Variants in SLC6A3 observed in about 807,000 individuals in gnomAD.
SLC6A3 encodes solute carrier family 6 member 3, also known as sodium-dependent dopamine transporter.
A neutral mutation model predicts 70.4 loss-of-function variants in SLC6A3; 19 were observed. That is an observed-to-expected ratio of 0.27 (90% CI 0.19 to 0.40). The LOEUF is 0.40. Ranked by LOEUF, SLC6A3 falls within the 10% of genes least tolerant of loss-of-function variation. The pLI, the probability that SLC6A3 is intolerant of heterozygous loss-of-function variation, is 1.00. For synonymous variants in SLC6A3, 368 were observed against 356.6 expected (o/e 1.03, Z -0.36); for missense variants, 613 against 838.5 (o/e 0.73, Z 3.32).
At position 1,432,695 on chromosome 5, in the gene SLC6A3, A is replaced by G. The variant is rs763451443; in HGVS notation, c.422T>C (p.Val141Ala). ...TGAGATGAGGATGACCGTGAAGCCC[A>G]CACCTAGCGGGAAGGGGGAGGCCAT... is the stretch of plus-strand genomic sequence containing the variant. ...VWKICPILKG[V>A]GFTVILISLY... is the part of the protein sequence containing the mutation. Residue 141 changes from valine (V) to alanine (A), a missense_variant, in exon 4 of 15, where the codon GTG (valine) becomes GCG (alanine). Coordinates refer to ENST00000270349, the MANE Select transcript of SLC6A3 (RefSeq NM_001044.5). The G allele has an allele frequency of 6.2e-7, 1 of 1,613,306 alleles. No homozygotes were observed. The highest frequency in any genetic ancestry group is 1.7e-5 in the Admixed American group (1 of 59,982).
intron 4 of SLC6A3, among the ~76,000 whole-genome samples, chr5:1,422,746 A>ACG (rs1223168847): frequency 1.5e-5 from 1 of 68,074 alleles, no homozygotes; most frequent in Admixed American, 1.6e-4. Flanking sequence ...ACCGCTGCCC[A>ACG]GTGCTGCCCA....
In SLC6A3 at chr5:1,432,396, C is replaced by A. The variant is rs886858871; in HGVS notation, c.653+68G>T. On this transcript the variant is annotated intron_variant, in intron 4 of 14. Transcript: ENST00000270349. ...GAGTCAGCAAGGGCTGGTGTCCAAC[C>A]AAGGGGCTACCATGGGGGACCTGGC... is the stretch of plus-strand genomic sequence containing the variant. 4.8e-6 allele frequency: 6 copies of A among 1,240,118 alleles called. No individual in the cohort carries two copies. In the African/African-American group the frequency reaches 8.9e-5, roughly 18 times the overall value. 76.8% of individuals were successfully genotyped at this position (1,240,118 alleles called of 1,614,324 possible).
intron 14 of SLC6A3, among the ~76,000 whole-genome samples, 172 bp downstream of exon 14, chr5:1,400,743 C>T (rs531760835): frequency 2.0e-5 from 3 of 152,196 alleles, no homozygotes; most frequent in Non-Finnish European, 2.9e-5. Context: ...CCCGGGCACA[C>T]GTCTCCACTG....
intron 4 of SLC6A3, among the ~76,000 whole-genome samples, chr5:1,430,992 C>T (rs1439537884): frequency 1.3e-5 from 2 of 152,238 alleles, no homozygotes; most frequent in Non-Finnish European, 2.9e-5. Context: ...TGCGTCTAAC[C>T]AGGCAAGCGA....
chr5:1,416,553 A>T, intron 6 of SLC6A3: 1 of 314,978 alleles, frequency 3.2e-6, no homozygotes, highest in Non-Finnish European at 6.0e-6. Flanking sequence ...CATCCTAATA[A>T]CCCTCGGAAC....
chr5:1,414,645 G>T, intron 8 of SLC6A3, 46 bp downstream of exon 8: 1 of 1,606,892 alleles, frequency 6.2e-7, no homozygotes. Context: ...AGAGCTCGGC[G>T]CTGGTGCTAC....
rs1755961910 is a variant in SLC6A3, at chr5:1,405,738, C to CG, written c.1599+449_1599+450insC. On this transcript the variant is annotated intron_variant, in intron 12 of 14. Coordinates refer to ENST00000270349, the MANE Select transcript of SLC6A3 (RefSeq NM_001044.5). This position sits in a 1 kb window ranked among gnomAD's most constrained non-coding sequence, Gnocchi z 5.3. ...GTGCCTACTGGACACAGTGATGCTG[C>CG]TGAGCCAGAGGGAGGCTTGCGTGAG... Among the ~76,000 whole-genome samples the CG allele has an allele frequency of 6.6e-6, 1 of 152,270 alleles. No individual in the cohort carries two copies. The highest frequency in any genetic ancestry group is 2.4e-5 in the African/African-American group (1 of 41,480).
At chr5:1,403,128 C>G in intron 12 of SLC6A3, 39 bp from the exon 13 acceptor site, 1 of 1,606,010 alleles carries the variant, frequency 6.2e-7, no homozygotes, top group South Asian at 1.1e-5. Context: ...AGCTCTCAGC[C>G]GGCGGTGCCA....
At chr5:1,434,013 A>C (rs501965) in intron 3 of SLC6A3, among the ~76,000 whole-genome samples, 1 of 152,196 alleles carries the variant, frequency 6.6e-6, no homozygotes, top group African/African-American at 2.4e-5. Flanking sequence ...GGCCATCCAC[A>C]GCCACCCATG....
At position 1,394,800 on chromosome 5, in the gene SLC6A3, C is replaced by T. The variant is rs771688581; in HGVS notation, c.1840-42G>A. 4.2e-5 allele frequency: 68 copies of T among 1,612,416 alleles called. No individual in the cohort carries two copies. The highest frequency in any genetic ancestry group is 5.4e-5 in the Non-Finnish European group (64 of 1,178,632). On this transcript the variant is annotated intron_variant, in intron 14 of 14. Coordinates refer to ENST00000270349, the MANE Select transcript of SLC6A3 (RefSeq NM_001044.5). This position sits in a 1 kb window ranked among gnomAD's most constrained non-coding sequence, Gnocchi z 4.7. ...TTTAGTCAGAAACCCTGGGGCGATG[C>T]CCCATTTAAGAGCAGCTGAAGGTGG...
chr5:1,414,052 G>T (rs1756192625), intron 8 of SLC6A3, among the ~76,000 whole-genome samples: 2 of 152,312 alleles, frequency 1.3e-5, no homozygotes, highest in South Asian at 4.1e-4. Flanking sequence ...CGTCGGCCTG[G>T]GGAGCGGGCA....
intron 3 of SLC6A3, among the ~76,000 whole-genome samples, chr5:1,435,720 T>C (rs985855954): frequency 7.0e-6 from 1 of 142,472 alleles, no homozygotes; most frequent in African/African-American, 2.5e-5. Context: ...ATGGCTCCCT[T>C]GAACAGTGGT....
chr5:1,421,584 C>A lies in SLC6A3; in HGVS notation c.792+292G>T, dbSNP rs1262111027. On this transcript the variant is annotated intron_variant, in intron 5 of 14. Transcript: ENST00000270349. This position sits in a 1 kb window ranked among gnomAD's most constrained non-coding sequence, Gnocchi z 7.2. ...TGTGCCGTGTGTCCGCCCAGCCCAG[C>A]CACGGCCACGTGTCCCCCCACCCAC... Among the ~76,000 whole-genome samples the A allele has an allele frequency of 6.6e-6, 1 of 152,300 alleles. No individual in the cohort carries two copies. Among genetic ancestry groups the A allele is most frequent in the African/African-American group, 2.4e-5 (1 of 41,564 alleles).
chr5:1,410,876 GTGTA>G (rs1306616726), intron 9 of SLC6A3, among the ~76,000 whole-genome samples: 4 of 152,088 alleles, frequency 2.6e-5, no homozygotes, highest in South Asian at 2.1e-4. Flanking sequence ...GTGTGCATGT[GTGTA>G]TGTGTGTGCA....
chr5:1,406,558 C>T lies in SLC6A3; in HGVS notation c.1499-270G>A, dbSNP rs533044982. Among the ~76,000 whole-genome samples, 7 of 152,334 alleles carry T rather than the reference C, an allele frequency of 4.6e-5. No homozygotes were observed. The East Asian group carries it at 1.2e-3, about 25-fold the overall frequency. On this transcript the variant is annotated intron_variant, in intron 11 of 14. Coordinates refer to ENST00000270349, the MANE Select transcript of SLC6A3 (RefSeq NM_001044.5). The surrounding 1 kb of genome is among the most constrained non-coding windows in gnomAD (Gnocchi z 8.8). ...TGCTCCCCGCGCCCCGGCAACAGCC[C>T]CTCGGGTCCTCCTCCCCATCCCATG... is the stretch of plus-strand genomic sequence containing the variant.
chr5:1,395,594 A>C (rs1470561240), intron 14 of SLC6A3, among the ~76,000 whole-genome samples: 2 of 152,134 alleles, frequency 1.3e-5, no homozygotes, highest in African/African-American at 4.8e-5. Context: ...GGGGGCCTGG[A>C]GCAGCCACAG....
At chr5:1,416,425 G>T (rs1055561911) in intron 6 of SLC6A3, 2 of 605,638 alleles carry the variant, frequency 3.3e-6, no homozygotes, top group Non-Finnish European at 5.9e-6. Context: ...GGCTGTCTGT[G>T]TTCATTGATC....
intron 4 of SLC6A3, among the ~76,000 whole-genome samples, chr5:1,429,349 T>A (rs1756643635): frequency 6.6e-6 from 1 of 152,116 alleles, no homozygotes; most frequent in African/African-American, 2.4e-5. Flanking sequence ...CTTCTCCAAC[T>A]CCCCACGTCT....
chr5:1,438,457 G>A lies in SLC6A3; in HGVS notation c.418+2902C>T, dbSNP rs1399691256. On this transcript the variant is annotated intron_variant, in intron 3 of 14. Coordinates refer to ENST00000270349, the MANE Select transcript of SLC6A3 (RefSeq NM_001044.5). The surrounding 1 kb of genome is among the most constrained non-coding windows in gnomAD (Gnocchi z 6.5). Reference sequence around the variant, plus strand: ...TCCGCCGGCTGCATTTCTTCAGAACGAGGTGCCACTGCTCACGCTGATGGA... The same window carrying A: ...TCCGCCGGCTGCATTTCTTCAGAACAAGGTGCCACTGCTCACGCTGATGGA... Among the ~76,000 whole-genome samples the A allele has an allele frequency of 3.3e-5, 5 of 152,266 alleles. No individual in the cohort carries two copies. Among genetic ancestry groups the A allele is most frequent in the Non-Finnish European group, 7.3e-5 (5 of 68,052 alleles).
Sources: allele counts gnomAD v4.1 joint callset (sites outside exome capture counted in the v4.1 genomes callset), GRCh38; gene constraint gnomAD v4.1.1; non-coding constraint Gnocchi (gnomAD v3.1); transcripts MANE v1.5; gene names NCBI Gene and HGNC (gene_info 2026-07-23, HGNC 2026-07-21).